The following MYH10 variants were observed in gnomAD, a reference collection of about 807,000 sequenced individuals.
The protein encoded by MYH10 is myosin-10.
A neutral mutation model predicts 257.8 loss-of-function variants in MYH10; 55 were observed. The observed-to-expected ratio is 0.21, with a 90% CI of 0.17 to 0.27. The LOEUF is 0.27. MYH10 is among the 10% of genes least tolerant of loss of function. The pLI is 1.00. For synonymous variants in MYH10, 854 were observed against 921.7 expected, an observed-to-expected ratio of 0.93 and a Z score of 1.33; for missense variants, 1,631 against 2,500.6, an observed-to-expected ratio of 0.65 and a Z score of 7.42.
At chr17:8,500,751 AC>A (rs1917397702) in intron 29 of MYH10, 74 bp downstream of exon 29, 1 of 1,536,976 alleles carries the variant, frequency 6.5e-7, no homozygotes, top group African/African-American at 1.4e-5. Context: ...ACTGAACAGA[AC>A]GGGCAGATAG....
chr17:8,542,494 G>A (rs993967411), intron 13 of MYH10, among the ~76,000 whole-genome samples: 1 of 152,150 alleles, frequency 6.6e-6, no homozygotes, highest in Non-Finnish European at 1.5e-5. Context: ...TAAAGAGAAA[G>A]AACATACTGT....
At chr17:8,496,086 T>C (rs1168664626) in intron 30 of MYH10, among the ~76,000 whole-genome samples, 1 of 152,240 alleles carries the variant, frequency 6.6e-6, no homozygotes, top group Non-Finnish European at 1.5e-5. Context: ...TGGTCAGATT[T>C]AATTAATAAT....
intron 26 of MYH10, among the ~76,000 whole-genome samples, chr17:8,507,822 T>C (rs2081122863): frequency 6.6e-6 from 1 of 151,988 alleles, no homozygotes; most frequent in Non-Finnish European, 1.5e-5. Context: ...AAATACAAAA[T>C]TAGCCAGGTG....
intron 36 of MYH10, among the ~76,000 whole-genome samples, chr17:8,486,652 G>A (rs1914856563): frequency 6.7e-6 from 1 of 149,392 alleles, no homozygotes; most frequent in African/African-American, 2.5e-5. Context: ...GGTATAGTAT[G>A]TCTGCCTACA....
At position 8,492,827 on chromosome 17, in the gene MYH10, G is replaced by A. The variant is rs753210010; in HGVS notation, c.4407C>T (p.His1469=). ...ELDDLTVDLD[H]QRQVASNLEK... is the part of the protein sequence containing the mutation. ...CCAAGTTGGAGGCGACCTGGCGCTG[G>A]TGGTCCAGGTCCACCGTGAGGTCGT... Residue 1469 remains histidine (H), a synonymous_variant, in exon 33 of 43, where the codon CAC becomes CAT. Transcript: ENST00000360416. The A allele has an allele frequency of 1.9e-6, 3 of 1,614,040 alleles. No individual in the cohort carries two copies. Among genetic ancestry groups the A allele is most frequent in the Non-Finnish European group, 2.5e-6 (3 of 1,180,014 alleles).
intron 3 of MYH10, among the ~76,000 whole-genome samples, chr17:8,597,649 T>C (rs1465459056): frequency 1.4e-5 from 2 of 147,558 alleles, no homozygotes; most frequent in African/African-American, 2.5e-5. Flanking sequence ...GGAGTCTCAC[T>C]GTCGCCTGTG....
rs1012212378 is a variant in MYH10, at chr17:8,490,671, C to T, written c.4672-119G>A. The T allele has an allele frequency of 5.2e-5, 46 of 883,704 alleles. No homozygotes were observed. Among genetic ancestry groups the T allele is most frequent in the South Asian group, 5.2e-4 (34 of 65,542 alleles). The allele number at this position is 883,704 out of a possible 1,614,324, so 54.7% of individuals were successfully genotyped here. Reference sequence around the variant, plus strand: ...GCTGGCCACTTTGGTCCCCCTGGGCCGGCCCCCTGCCACATGCATACACAT... The same window carrying T: ...GCTGGCCACTTTGGTCCCCCTGGGCTGGCCCCCTGCCACATGCATACACAT... On this transcript the variant is annotated intron_variant, in intron 34 of 42. Coordinates refer to ENST00000360416, the MANE Select transcript of MYH10 (RefSeq NM_001256012.3). This position sits in a 1 kb window ranked among gnomAD's most constrained non-coding sequence, Gnocchi z 4.1.
At chr17:8,589,029 T>C (rs970728984) in intron 4 of MYH10, 52 bp downstream of exon 4, 1 of 1,583,424 alleles carries the variant, frequency 6.3e-7, no homozygotes, top group Non-Finnish European at 8.7e-7. Flanking sequence ...AAATAGTTGC[T>C]CCACTTTCCA....
intron 2 of MYH10, among the ~76,000 whole-genome samples, chr17:8,617,309 G>A (rs1404048210): frequency 6.6e-6 from 1 of 152,062 alleles, no homozygotes; most frequent in East Asian, 1.9e-4. Context: ...TTCCTATCAG[G>A]TAGCCCTCTC....
At chr17:8,505,453 G>C (rs576194255) in intron 27 of MYH10, among the ~76,000 whole-genome samples, 3 of 152,294 alleles carry the variant, frequency 2.0e-5, no homozygotes, top group Admixed American at 1.3e-4. Flanking sequence ...GAATAGTTGG[G>C]ATGTTTGAGG....
At chr17:8,570,281 A>G (rs376171818) in intron 6 of MYH10, among the ~76,000 whole-genome samples, 2 of 152,232 alleles carry the variant, frequency 1.3e-5, no homozygotes, top group Non-Finnish European at 2.9e-5. Context: ...TTCATATACT[A>G]TCTCTATCAT....
Position 8,506,630 on chromosome 17 carries a change from T to C in MYH10, c.3215-141A>G, listed in dbSNP as rs1182605786. The C allele has an allele frequency of 2.6e-6, 2 of 782,770 alleles. No homozygotes were observed. Among genetic ancestry groups the C allele is most frequent in the African/African-American group, 3.6e-5 (2 of 55,386 alleles). 48.5% of individuals were successfully genotyped at this position (782,770 alleles called of 1,614,324 possible). On this transcript the variant is annotated intron_variant, in intron 26 of 42. Transcript: ENST00000360416. This position sits in a 1 kb window ranked among gnomAD's most constrained non-coding sequence, Gnocchi z 5.0. The stretch of plus-strand genomic sequence containing the variant: ...CTGCCCTGATGACATGGTCATGCGC[T>C]GATGTCAACTGCTCAGTCATTTCAA...
intron 2 of MYH10, among the ~76,000 whole-genome samples, chr17:8,607,098 G>C (rs965543282): frequency 6.6e-6 from 1 of 152,180 alleles, no homozygotes; most frequent in Non-Finnish European, 1.5e-5. Flanking sequence ...CTTTTTAGGA[G>C]TTTAATTTAT....
At chr17:8,550,326 G>A (rs1373703674) in intron 9 of MYH10, among the ~76,000 whole-genome samples, 1 of 151,258 alleles carries the variant, frequency 6.6e-6, no homozygotes, top group Non-Finnish European at 1.5e-5. Context: ...TGTGGGGAGC[G>A]CCTCTGCCCC....
chr17:8,488,712 C>T (rs922668294), intron 35 of MYH10, among the ~76,000 whole-genome samples: 2 of 151,990 alleles, frequency 1.3e-5, no homozygotes, highest in East Asian at 2.0e-4. Context: ...ACAAGGCCAC[C>T]GCTGCTGCTG....
At position 8,508,539 on chromosome 17, in the gene MYH10, G is replaced by C; in HGVS notation, c.3214+15C>G. The C allele has an allele frequency of 6.2e-7, 1 of 1,613,842 alleles. No homozygotes were observed. The highest frequency in any genetic ancestry group is 8.5e-7 in the Non-Finnish European group (1 of 1,179,866). On this transcript the variant is annotated intron_variant, in intron 26 of 42. Coordinates refer to ENST00000360416, the MANE Select transcript of MYH10 (RefSeq NM_001256012.3). ...CATGTCCTAGTCCCTGATTTCTCTA[G>C]CCCCAAATACTAACCTTCTAAATCT...
chr17:8,496,384 T>C (rs1397146824), intron 30 of MYH10, among the ~76,000 whole-genome samples: 1 of 152,212 alleles, frequency 6.6e-6, no homozygotes, highest in African/African-American at 2.4e-5. Flanking sequence ...AACAGTGTGG[T>C]GGGGAAGGGC....
chr17:8,548,404 C>T lies in MYH10; in HGVS notation c.1068G>A (p.Met356Ile). ...MGFSHEEILS[M>I]LKVVSSVLQF... ...GTAGCACTGAAGATACTACTTTAAGCATTGCTTCATATTGATAAAAAGAAA... is the reference window on the plus strand; with the variant it reads ...GTAGCACTGAAGATACTACTTTAAGTATTGCTTCATATTGATAAAAAGAAA... The change falls in exon 11 of 43, where the codon ATG becomes ATA. Residue 356 changes from methionine to isoleucine, a missense_variant. Met to Ile is a conservative substitution (Grantham distance 10, BLOSUM62 1). Transcript: ENST00000360416. 6.3e-7 allele frequency: 1 copy of T among 1,582,960 alleles called. No homozygotes were observed. Among genetic ancestry groups the T allele is most frequent in the Non-Finnish European group, 8.6e-7 (1 of 1,166,134 alleles).
chr17:8,501,282 C>T (rs1917464783), intron 28 of MYH10, among the ~76,000 whole-genome samples: 1 of 151,916 alleles, frequency 6.6e-6, no homozygotes, highest in Admixed American at 6.6e-5. Flanking sequence ...GAGTGAGACC[C>T]TATCTTTAAA....
Sources: gnomAD v4.1 joint callset for allele counts (sites outside exome capture counted in the v4.1 genomes callset) on GRCh38, gnomAD v4.1.1 for gene constraint, Gnocchi (gnomAD v3.1) non-coding constraint, MANE v1.5 for transcripts, NCBI Gene and HGNC (gene_info 2026-07-23, HGNC 2026-07-21) for gene names.